LUZP2: variants seen among roughly 807,000 people sequenced by gnomAD.
LUZP2 encodes leucine zipper protein 2.
Under a neutral mutation model 51.6 loss-of-function variants are expected in LUZP2, and 52 were observed. The ratio of observed to expected loss-of-function variants is 1.01; its 90% confidence interval spans 0.81 to 1.27. LUZP2 has a LOEUF of 1.27. LUZP2 is among the 50% of genes most tolerant of loss of function. The pLI, the probability that LUZP2 is intolerant of heterozygous loss-of-function variation, is 0.00. For synonymous variants in LUZP2, 154 were observed against 137.3 expected (o/e 1.12, Z -0.85); for missense variants, 436 against 395.4 (o/e 1.10, Z -0.87).
chr11:24,543,140 G>A (rs759717110), intron 1 of LUZP2, among the ~76,000 whole-genome samples: 2 of 151,776 alleles, frequency 1.3e-5, no homozygotes, highest in Non-Finnish European at 2.9e-5. Flanking sequence ...TTGTAGGACA[G>A]ATAATTATAT....
At chr11:24,767,012 C>T (rs1860216807) in intron 5 of LUZP2, among the ~76,000 whole-genome samples, 1 of 152,164 alleles carries the variant, frequency 6.6e-6, no homozygotes, top group South Asian at 2.1e-4. Flanking sequence ...GATCCACCCA[C>T]ACCCACATCA....
At chr11:24,987,020 A>G (rs144444323) in intron 9 of LUZP2, among the ~76,000 whole-genome samples, 212 of 151,888 alleles carry the variant, frequency 1.4e-3, no homozygotes, top group Admixed American at 4.0e-3. Flanking sequence ...CTTTTCTAAG[A>G]CTCATCTTTC....
intron 9 of LUZP2, among the ~76,000 whole-genome samples, chr11:24,997,962 C>A (rs376823646): frequency 3.9e-5 from 6 of 152,146 alleles, no homozygotes; most frequent in African/African-American, 4.8e-5. Flanking sequence ...GGGCTCTGTT[C>A]TGTTCCATTG....
At chr11:24,768,241 C>G (rs1468123727) in intron 5 of LUZP2, among the ~76,000 whole-genome samples, 1 of 152,088 alleles carries the variant, frequency 6.6e-6, no homozygotes, top group Non-Finnish European at 1.5e-5. Context: ...TCAAAGGATT[C>G]TCCTGCCTCA....
chr11:24,573,688 TAAAAGAC>T (rs1165625147), intron 1 of LUZP2, among the ~76,000 whole-genome samples: 1 of 151,932 alleles, frequency 6.6e-6, no homozygotes, highest in Admixed American at 6.6e-5. Context: ...CAGCATAAAA[TAAAAGAC>T]ACATGGTATA....
chr11:24,795,692 C>T (rs1335386091), intron 5 of LUZP2, among the ~76,000 whole-genome samples: 1 of 152,118 alleles, frequency 6.6e-6, no homozygotes, highest in Admixed American at 6.6e-5. Context: ...TTCCTCTCCT[C>T]TGTTTTTACG....
chr11:24,744,112 G>A (rs1859286078), intron 4 of LUZP2, among the ~76,000 whole-genome samples: 1 of 152,072 alleles, frequency 6.6e-6, no homozygotes, highest in South Asian at 2.1e-4. Context: ...GATTCAGTTA[G>A]TTCGTATTTT....
chr11:24,549,732 T>G (rs1396847), intron 1 of LUZP2, among the ~76,000 whole-genome samples: 151,117 of 152,102 alleles, frequency 0.99, 75,074 homozygotes, highest in East Asian at 1. Flanking sequence ...TATTCCATCT[T>G]TTATTGGCTA....
Position 25,082,477 on chromosome 11 carries a change from T to C in LUZP2, c.*3819T>C, listed in dbSNP as rs1475667759. On this transcript the variant is annotated 3_prime_UTR_variant, in exon 12 of 12. Coordinates refer to ENST00000336930, the MANE Select transcript of LUZP2 (RefSeq NM_001009909.4). ...AGACCTAGACAATGAAGAAAACACA[T>C]ACTGTTTACTTAGGAGACATTTTCT... 6.6e-6 allele frequency: 1 copy of C among 152,484 alleles called. No homozygotes were observed. Among genetic ancestry groups the C allele is most frequent in the Non-Finnish European group, 1.5e-5 (1 of 68,014 alleles). The allele number at this position is 152,484 out of a possible 1,614,324, so 9.4% of individuals were successfully genotyped here.
At chr11:24,751,566 A>G in intron 4 of LUZP2, 1 of 980,988 alleles carries the variant, frequency 1.0e-6, no homozygotes, top group Non-Finnish European at 1.2e-6. Flanking sequence ...GAGTCGTAGT[A>G]CCCACCCCAT....
chr11:24,866,535 T>TG (rs1851901908), intron 5 of LUZP2, among the ~76,000 whole-genome samples: 1 of 151,724 alleles, frequency 6.6e-6, no homozygotes, highest in Non-Finnish European at 1.5e-5. Flanking sequence ...ACACTTTTTT[T>TG]TTGTAAAATA....
intron 7 of LUZP2, among the ~76,000 whole-genome samples, chr11:24,924,139 G>A (rs958229792): frequency 2.6e-5 from 4 of 151,140 alleles, no homozygotes; most frequent in Non-Finnish European, 5.9e-5. Context: ...GTGCAGTGGC[G>A]TGATCTCGGC....
At chr11:24,671,489 G>C (rs1034721121) in intron 1 of LUZP2, among the ~76,000 whole-genome samples, 2 of 151,916 alleles carry the variant, frequency 1.3e-5, no homozygotes, top group African/African-American at 2.4e-5. Context: ...AATGCTAGGT[G>C]TTAAAGTCTG....
chr11:24,596,244 C>A (rs1328565598), intron 1 of LUZP2, among the ~76,000 whole-genome samples: 2 of 152,138 alleles, frequency 1.3e-5, no homozygotes, highest in African/African-American at 4.8e-5. Context: ...CTATATCAAA[C>A]AATACAGTAC....
At chr11:24,981,068 A>G (rs1344594151) in intron 8 of LUZP2, among the ~76,000 whole-genome samples, 2 of 151,902 alleles carry the variant, frequency 1.3e-5, no homozygotes, top group Non-Finnish European at 2.9e-5. Context: ...AGCAAACTTC[A>G]AAGTAAACAG....
intron 5 of LUZP2, among the ~76,000 whole-genome samples, chr11:24,781,519 C>G (rs983678494): frequency 2.0e-5 from 3 of 151,702 alleles, no homozygotes; most frequent in Non-Finnish European, 2.9e-5. Context: ...CAGAAGACAA[C>G]ACTAGATGGA....
chr11:24,802,707 G>A (rs1225226172), intron 5 of LUZP2, among the ~76,000 whole-genome samples: 3 of 151,778 alleles, frequency 2.0e-5, no homozygotes, highest in Non-Finnish European at 2.9e-5. Flanking sequence ...TTGTCTCTAT[G>A]ATTTTGACTG....
intron 1 of LUZP2, among the ~76,000 whole-genome samples, chr11:24,622,317 C>G (rs1363626119): frequency 6.6e-6 from 1 of 151,508 alleles, no homozygotes; most frequent in Non-Finnish European, 1.5e-5. Flanking sequence ...TGTGATGTTC[C>G]GCTTCCTGTG....
At chr11:24,814,674 G>A (rs1198420053) in intron 5 of LUZP2, among the ~76,000 whole-genome samples, 3 of 152,106 alleles carry the variant, frequency 2.0e-5, no homozygotes, top group Non-Finnish European at 4.4e-5. Flanking sequence ...ATCCTAGTGC[G>A]TTTGAAGTTT....
Sources: allele counts gnomAD v4.1 joint callset (sites outside exome capture counted in the v4.1 genomes callset), GRCh38; gene constraint gnomAD v4.1.1; transcripts MANE v1.5; gene names NCBI Gene and HGNC (gene_info 2026-07-23, HGNC 2026-07-21).